RAVER1: variants seen among roughly 807,000 people sequenced by gnomAD.
RAVER1 encodes ribonucleoprotein PTB-binding 1.
RAVER1 carries 36 observed loss-of-function variants against 68.4 expected under a neutral mutation model. The observed-to-expected ratio is 0.53, with a 90% CI of 0.40 to 0.70. The LOEUF (loss-of-function observed/expected upper bound fraction) is 0.70, where lower values mean the gene tolerates loss of function less well. Ranked by LOEUF, RAVER1 falls within the 30% of genes least tolerant of loss-of-function variation. The pLI, the probability that RAVER1 is intolerant of heterozygous loss-of-function variation, is 0.00. For missense variants in RAVER1, 933 were observed against 1,019.8 expected, an observed-to-expected ratio of 0.91 and a Z score of 1.16; for synonymous variants, 469 against 472.7, an observed-to-expected ratio of 0.99 and a Z score of 0.10.
Position 10,325,242 on chromosome 19 carries a change from T to A in RAVER1, c.757-1676A>T, listed in dbSNP as rs186897806. On this transcript the variant is annotated intron_variant, in intron 3 of 12. Transcript: ENST00000617231. ...TTTTTGTTTTTTGTTTTGTTTTTTT[T>A]GAGACGGAGTCTCGCTCTGCCACCC... Among the ~76,000 whole-genome samples the A allele has an allele frequency of 1.9e-3, 288 of 152,278 alleles. 5 individuals are homozygous for A. Among genetic ancestry groups the A allele is most frequent in the Admixed American group, 0.016 (248 of 15,286 alleles).
Position 10,328,507 on chromosome 19 carries a change from G to A in RAVER1, c.756+135C>T. 1.6e-6 allele frequency: 1 copy of A among 632,474 alleles called. No individual in the cohort carries two copies. The highest frequency in any genetic ancestry group is 2.7e-5 in the East Asian group (1 of 36,422). The allele number at this position is 632,474 out of a possible 1,614,324, so 39.2% of individuals were successfully genotyped here. ...GCGGAGGTTGCAGTGAACTGAGATT[G>A]TATCACTGCACTCCAGCATGGGTGA... is the stretch of plus-strand genomic sequence containing the variant. On this transcript the variant is annotated intron_variant, in intron 3 of 12. Coordinates refer to ENST00000617231, the MANE Select transcript of RAVER1 (RefSeq NM_133452.3). This position sits in a 1 kb window ranked among gnomAD's most constrained non-coding sequence, Gnocchi z 4.4.
In RAVER1 at chr19:10,318,263, A is replaced by T; in HGVS notation, c.1955T>A (p.Leu652Gln). The part of the protein sequence containing the change: ...GSPTSYFTSG[L>Q]QAGLKQSHLS... ...GTGGCTCTGCTTGAGGCCAGCCTGC[A>T]GGCCGCTGGTGAAGTAGGAAGTGGG... The change falls in exon 11 of 13, where the codon CTG (leucine) becomes CAG (glutamine). Residue 652 changes from leucine to glutamine, a missense_variant. Physicochemically the swap from Leu to Gln is moderately radical, Grantham distance 113. Transcript: ENST00000617231. 1.9e-6 allele frequency: 3 copies of T among 1,604,942 alleles called. No individual in the cohort carries two copies. Among genetic ancestry groups the T allele is most frequent in the Non-Finnish European group, 2.5e-6 (3 of 1,176,604 alleles).
chr19:10,331,828 C>T (rs536378720), intron 1 of RAVER1, among the ~76,000 whole-genome samples: 6 of 151,946 alleles, frequency 3.9e-5, no homozygotes, highest in Non-Finnish European at 8.8e-5. Context: ...AAAACTTAGG[C>T]TAGGAGAAGT....
At position 10,319,350 on chromosome 19, in the gene RAVER1, G is replaced by A. The variant is rs1279837967; in HGVS notation, c.1771-110C>T. 13 of 1,140,174 alleles carry A rather than the reference G, an allele frequency of 1.1e-5. No homozygotes were observed. The East Asian group carries it at 2.6e-4, about 23-fold the overall frequency. The allele number at this position is 1,140,174 out of a possible 1,614,324, so 70.6% of individuals were successfully genotyped here. ...GGGAAGACAGTCCCCACCACTCTGG[G>A]ACCAGGAAGAGGCAAATTTGGGGCT... On this transcript the variant is annotated intron_variant, in intron 9 of 12. Coordinates refer to ENST00000617231, the MANE Select transcript of RAVER1 (RefSeq NM_133452.3).
rs1450620040 is a variant in RAVER1 at position 10,333,364 on chromosome 19, C to T, written c.144G>A (p.Leu48=). 3.1e-6 allele frequency: 5 copies of T among 1,613,838 alleles called. No individual in the cohort carries two copies. In the African/African-American group the frequency reaches 4.0e-5, roughly 13 times the overall value. Residue 48 remains leucine (L), a synonymous_variant, in exon 1 of 13, where the codon CTG becomes CTA. Transcript: ENST00000617231. The surrounding 1 kb of genome is among the most constrained non-coding windows in gnomAD (Gnocchi z 4.2). ...TACGGAACTGGCGCTCGGTGTGTTCCAGGCGTTTCCGGATCTCTTCTGGAT... is the reference window on the plus strand; with the variant it reads ...TACGGAACTGGCGCTCGGTGTGTTCTAGGCGTTTCCGGATCTCTTCTGGAT... ...PLDPEEIRKR[L]EHTERQFRNR...
Position 10,323,772 on chromosome 19 carries a change from G to A in RAVER1, c.757-206C>T, listed in dbSNP as rs2040455866. ...TGCATCATACCCATTTCTCAGAGAA[G>A]GCAACTGAGGCACGGAGAGGTCAGC... On this transcript the variant is annotated intron_variant, in intron 3 of 12. Transcript: ENST00000617231. The surrounding 1 kb of genome is among the most constrained non-coding windows in gnomAD (Gnocchi z 6.2). Among the ~76,000 whole-genome samples, 1 of 152,148 alleles carries A rather than the reference G, an allele frequency of 6.6e-6. No individual in the cohort carries two copies. The highest frequency in any genetic ancestry group is 6.6e-5 in the Admixed American group (1 of 15,266).
At chr19:10,324,724 TCA>T (rs2040462636) in intron 3 of RAVER1, among the ~76,000 whole-genome samples, 1 of 151,744 alleles carries the variant, frequency 6.6e-6, no homozygotes, top group South Asian at 2.1e-4. Flanking sequence ...CTCAGAGGGG[TCA>T]CAGAGTGATC....
In RAVER1 at chr19:10,333,451, G is replaced by C. The variant is rs765790233; in HGVS notation, c.57C>G (p.Ala19=). 6 of 1,612,576 alleles carry C rather than the reference G, an allele frequency of 3.7e-6. No homozygotes were observed. In the South Asian group the frequency reaches 6.6e-5, roughly 18 times the overall value. The change falls in exon 1 of 13, where the codon GCC becomes GCG. Residue 19 remains alanine (A), a synonymous_variant. Transcript: ENST00000617231. The surrounding 1 kb of genome is among the most constrained non-coding windows in gnomAD (Gnocchi z 4.2). ...HRPPLSPKSG[A]EVEAGDAAER... is the part of the protein sequence containing the mutation. ...CCGCGGCATCGCCGGCTTCGACTTC[G>C]GCCCCAGACTTAGGGCTCAGCGGGG...
At position 10,322,661 on chromosome 19, in the gene RAVER1, T is replaced by C. The variant is rs373855534; in HGVS notation, c.1157A>G (p.Gln386Arg). 19 of 1,537,574 alleles carry C rather than the reference T, an allele frequency of 1.2e-5. No homozygotes were observed. The highest frequency in any genetic ancestry group is 2.3e-5 in the Admixed American group (1 of 43,226). The change falls in exon 6 of 13, where the codon CAG becomes CGG. Residue 386 changes from glutamine (Q) to arginine (R), a missense_variant. Gln to Arg is a conservative substitution (Grantham distance 43). Transcript: ENST00000617231. This position sits in a 1 kb window ranked among gnomAD's most constrained non-coding sequence, Gnocchi z 4.3. The stretch of plus-strand genomic sequence containing the variant: ...GTGTGTTACCTTCTGGCCCTGGGTC[T>C]GCAGGGCGAGCTGCAACAGCGCCGT... ...LSTALLQLAL[Q>R]TQGQKKPGIL... is the part of the protein sequence containing the mutation.
rs1233356229 is a variant in RAVER1, at chr19:10,322,962, T to C, written c.1078+183A>G. Among the ~76,000 whole-genome samples the C allele has an allele frequency of 6.6e-6, 1 of 152,094 alleles. No individual in the cohort carries two copies. The highest frequency in any genetic ancestry group is 1.5e-5 in the Non-Finnish European group (1 of 67,980). ...CCCCACCTCACTGCAGGCTGCTGTG[T>C]GGCCCTGGTCCCGGCCCCCAGTTGT... On this transcript the variant is annotated intron_variant, in intron 5 of 12. Transcript: ENST00000617231. This position sits in a 1 kb window ranked among gnomAD's most constrained non-coding sequence, Gnocchi z 4.3.
rs376100998 is a variant in RAVER1, at chr19:10,318,346, G to A, written c.1872C>T (p.Gly624=). Residue 624 remains glycine (G), a synonymous_variant, in exon 11 of 13, where the codon GGC becomes GGT. Coordinates refer to ENST00000617231, the MANE Select transcript of RAVER1 (RefSeq NM_133452.3). ...HKMSPPPSGF[G]ERSSGGSGGG... ...CGCCACTCCCACCGCTGCTCCGTTC[G>A]CCGAAGCCACTGGGCGGGGGGGACA... 2.6e-5 allele frequency: 41 copies of A among 1,601,834 alleles called. No individual in the cohort carries two copies. The highest frequency in any genetic ancestry group is 4.5e-5 in the South Asian group (4 of 89,752).
rs751713708 is a variant in RAVER1, at chr19:10,333,502, C to G, written c.6G>C (p.Ala2=). Reference sequence around the variant, plus strand: ...GCCGGTGAGTAACGGACACGTCCGCCGCCATCTTGGGAAACCCGGCGCCTT... The same window carrying G: ...GCCGGTGAGTAACGGACACGTCCGCGGCCATCTTGGGAAACCCGGCGCCTT... M[A]ADVSVTHRPP... is the part of the protein sequence containing the mutation. Residue 2 remains alanine, a synonymous_variant, in exon 1 of 13, where the codon GCG becomes GCC. Coordinates refer to ENST00000617231, the MANE Select transcript of RAVER1 (RefSeq NM_133452.3). The surrounding 1 kb of genome is among the most constrained non-coding windows in gnomAD (Gnocchi z 4.2). 1 of 1,598,066 alleles carries G rather than the reference C, an allele frequency of 6.3e-7. No individual in the cohort carries two copies. Among genetic ancestry groups the G allele is most frequent in the Non-Finnish European group, 8.5e-7 (1 of 1,172,622 alleles).
At position 10,329,395 on chromosome 19, in the gene RAVER1, C is replaced by T. The variant is rs889777621; in HGVS notation, c.287-284G>A. ...TGTCCTAAGAACGCTGTGGGTCACTCGGGTGATACCAAGGGCAGTGGTTAA... is the reference window on the plus strand; with the variant it reads ...TGTCCTAAGAACGCTGTGGGTCACTTGGGTGATACCAAGGGCAGTGGTTAA... On this transcript the variant is annotated intron_variant, in intron 2 of 12. Coordinates refer to ENST00000617231, the MANE Select transcript of RAVER1 (RefSeq NM_133452.3). This position sits in a 1 kb window ranked among gnomAD's most constrained non-coding sequence, Gnocchi z 4.6. 3.9e-5 allele frequency among the ~76,000 whole-genome samples: 6 copies of T among 152,252 alleles called. No individual in the cohort carries two copies. The highest frequency in any genetic ancestry group is 4.1e-4 in the South Asian group (2 of 4,836).
chr19:10,321,376 C>G (rs73019227), intron 7 of RAVER1, 117 bp from the exon 8 acceptor site: 136,046 of 789,868 alleles, frequency 0.17, 12,359 homozygotes, highest in Middle Eastern at 0.22. Context: ...ATGCTGGCCA[C>G]TGAGCAGAGC....
chr19:10,317,211 G>T lies in RAVER1; in HGVS notation c.*243C>A, dbSNP rs1364088792. The stretch of plus-strand genomic sequence containing the variant: ...GGGGAGGGAGGGAGAGCAGGCCGGG[G>T]CCCCTCTCTCTTAAGGCTGCAGGGT... On this transcript the variant is annotated 3_prime_UTR_variant, in exon 13 of 13. Transcript: ENST00000617231. The surrounding 1 kb of genome is among the most constrained non-coding windows in gnomAD (Gnocchi z 4.3). 5.5e-6 allele frequency: 3 copies of T among 545,718 alleles called. No individual in the cohort carries two copies. The highest frequency in any genetic ancestry group is 9.7e-6 in the Non-Finnish European group (3 of 308,530). The allele number at this position is 545,718 out of a possible 1,614,324, so 33.8% of individuals were successfully genotyped here.
At position 10,317,735 on chromosome 19, in the gene RAVER1, G is replaced by A. The variant is rs140336271; in HGVS notation, c.2028C>T (p.Leu676=). Reference sequence around the variant, plus strand: ...CATTAGGCCCGGGGCTGAGGCCCAGGAGCCCTTCTCCGGACCCCAGCGGGG... The same window carrying A: ...CATTAGGCCCGGGGCTGAGGCCCAGAAGCCCTTCTCCGGACCCCAGCGGGG... The part of the protein sequence containing the change: ...GSSPLGSGEG[L]LGLSPGPNGH... Residue 676 remains leucine (L), a synonymous_variant, in exon 12 of 13, where the codon CTC becomes CTT. Transcript: ENST00000617231. The surrounding 1 kb of genome is among the most constrained non-coding windows in gnomAD (Gnocchi z 4.3). 1.0e-3 allele frequency: 1,624 copies of A among 1,597,790 alleles called. 1 individual carries two copies. Among genetic ancestry groups the A allele is most frequent in the Non-Finnish European group, 1.3e-3 (1,477 of 1,173,426 alleles).
chr19:10,321,346 A>AT, intron 7 of RAVER1, 87 bp from the exon 8 acceptor site: 1 of 807,270 alleles, frequency 1.2e-6, no homozygotes, highest in Non-Finnish European at 1.7e-6. Context: ...ACCAGGGCCC[A>AT]GGGGTCAAGA....
rs912373107 is a variant in RAVER1, at chr19:10,316,215, C to A, written c.*1239G>T. On this transcript the variant is annotated 3_prime_UTR_variant, in exon 13 of 13. Coordinates refer to ENST00000617231, the MANE Select transcript of RAVER1 (RefSeq NM_133452.3). ...CCCAAGAACCAGCCAACTCTGATTTCTTTAAAACCATTTACTTACAAACTT... is the reference window on the plus strand; with the variant it reads ...CCCAAGAACCAGCCAACTCTGATTTATTTAAAACCATTTACTTACAAACTT... 10 of 1,383,550 alleles carry A rather than the reference C, an allele frequency of 7.2e-6. No homozygotes were observed. The highest frequency in any genetic ancestry group is 9.3e-6 in the Non-Finnish European group (10 of 1,078,330). 85.7% of individuals were successfully genotyped at this position (1,383,550 alleles called of 1,614,324 possible).
rs1568311544 is a variant in RAVER1, at chr19:10,323,189, A to T, written c.1034T>A (p.Leu345Gln). The T allele has an allele frequency of 6.2e-7, 1 of 1,612,452 alleles. No individual in the cohort carries two copies. The highest frequency in any genetic ancestry group is 1.7e-5 in the Admixed American group (1 of 59,864). The change falls in exon 5 of 13, where the codon CTG (leucine) becomes CAG (glutamine). Residue 345 changes from leucine to glutamine, a missense_variant. Around this residue, in one of 3 missense-constraint regions of RAVER1, gnomAD observed 699 missense variants for 731.1 expected, o/e 0.96. Coordinates refer to ENST00000617231, the MANE Select transcript of RAVER1 (RefSeq NM_133452.3). This position sits in a 1 kb window ranked among gnomAD's most constrained non-coding sequence, Gnocchi z 6.2. The part of the protein sequence containing the change: ...NNLGPSASLQ[L>Q]LLNPLLHGSA... ...GCCATGGAGCAGGGGGTTGAGCAGCAGCTGGAGGGACGCGGATGGGCCCAG... is the reference window on the plus strand; with the variant it reads ...GCCATGGAGCAGGGGGTTGAGCAGCTGCTGGAGGGACGCGGATGGGCCCAG...
Sources: allele counts gnomAD v4.1 joint callset (sites outside exome capture counted in the v4.1 genomes callset), GRCh38; gene constraint gnomAD v4.1.1; regional missense constraint gnomAD v4.1.1; non-coding constraint Gnocchi (gnomAD v3.1); transcripts MANE v1.5; gene names NCBI Gene and HGNC (gene_info 2026-07-23, HGNC 2026-07-21).